The following THSD7B variants were observed in gnomAD, a reference collection of about 807,000 sequenced individuals.
THSD7B encodes thrombospondin type 1 domain containing 7B.
Under a neutral mutation model 213.6 loss-of-function variants are expected in THSD7B, and 138 were observed. The observed-to-expected ratio is 0.65, with a 90% CI of 0.56 to 0.74. The LOEUF (loss-of-function observed/expected upper bound fraction) is 0.74, where lower values mean the gene tolerates loss of function less well. Ranked by LOEUF, THSD7B falls within the 30% of genes least tolerant of loss-of-function variation. The pLI, the probability that THSD7B is intolerant of heterozygous loss-of-function variation, is 0.00. For missense variants in THSD7B, 1,931 were observed against 1,991.5 expected, an observed-to-expected ratio of 0.97 and a Z score of 0.58; for synonymous variants, 742 against 687.0, an observed-to-expected ratio of 1.08 and a Z score of -1.25.
chr2:137,576,351 T>C (rs1681460633), intron 17 of THSD7B, among the ~76,000 whole-genome samples: 1 of 152,108 alleles, frequency 6.6e-6, no homozygotes, highest in Non-Finnish European at 1.5e-5. Flanking sequence ...GTTTGAACTT[T>C]GATTCACCTC....
intron 2 of THSD7B, among the ~76,000 whole-genome samples, chr2:136,945,346 G>T (rs1211888311): frequency 6.6e-6 from 1 of 152,060 alleles, no homozygotes; most frequent in Non-Finnish European, 1.5e-5. Context: ...TCTGTTGTTG[G>T]TCTGATGGAC....
chr2:137,379,009 A>G (rs1401787764), intron 12 of THSD7B, among the ~76,000 whole-genome samples: 2 of 152,154 alleles, frequency 1.3e-5, no homozygotes, highest in African/African-American at 4.8e-5. Context: ...TGATATGTTG[A>G]AGCCAAGAGC....
intron 15 of THSD7B, among the ~76,000 whole-genome samples, chr2:137,459,880 T>C (rs1173910960): frequency 1.3e-5 from 2 of 152,130 alleles, no homozygotes; most frequent in African/African-American, 4.8e-5. Flanking sequence ...AAGGAACGTG[T>C]ATTTGTTAAA....
chr2:137,249,397 G>A (rs1353258342), intron 10 of THSD7B, among the ~76,000 whole-genome samples: 1 of 152,068 alleles, frequency 6.6e-6, no homozygotes, highest in Non-Finnish European at 1.5e-5. Flanking sequence ...ACATTAGAAT[G>A]GGAGTTGCTG....
At chr2:137,319,753 G>T (rs1684222167) in intron 12 of THSD7B, among the ~76,000 whole-genome samples, 2 of 152,052 alleles carry the variant, frequency 1.3e-5, no homozygotes, top group Admixed American at 6.6e-5. Flanking sequence ...ACACAAACTT[G>T]ACTTTTTTTT....
chr2:137,574,361 T>C (rs1004605282), intron 17 of THSD7B, among the ~76,000 whole-genome samples: 4 of 152,142 alleles, frequency 2.6e-5, no homozygotes, highest in African/African-American at 9.6e-5. Flanking sequence ...TTTAACCTCC[T>C]TTCATGTGTC....
At chr2:137,392,946 C>T (rs900140085) in intron 12 of THSD7B, among the ~76,000 whole-genome samples, 3 of 151,678 alleles carry the variant, frequency 2.0e-5, no homozygotes, top group African/African-American at 4.8e-5. Flanking sequence ...TATGTTTTTA[C>T]GGTGGTAAAT....
At chr2:137,583,534 T>A (rs1279820527) in intron 17 of THSD7B, among the ~76,000 whole-genome samples, 2 of 152,186 alleles carry the variant, frequency 1.3e-5, no homozygotes, top group Non-Finnish European at 2.9e-5. Flanking sequence ...GAGGAAGGGA[T>A]CCAGTTTCAG....
Position 137,676,532 on chromosome 2 carries a change from C to T in THSD7B, c.4748C>T (p.Pro1583Leu). 6.3e-7 allele frequency: 1 copy of T among 1,595,556 alleles called. No homozygotes were observed. Among genetic ancestry groups the T allele is most frequent in the South Asian group, 1.1e-5 (1 of 87,266 alleles). Reference sequence around the variant, plus strand: ...TTTTTTTCCCTTTGCAGCAAGAAGCCAAAACCACATCAAAGCACACCTCCC... The same window carrying T: ...TTTTTTTCCCTTTGCAGCAAGAAGCTAAAACCACATCAAAGCACACCTCCC... Reference protein sequence around the residue: ...IFTSYLVCKKPKPHQSTPPQQ... With the variant: ...IFTSYLVCKKLKPHQSTPPQQ... The change falls in exon 28 of 28, where the codon CCA becomes CTA. Residue 1583 changes from proline to leucine, a missense_variant. Coordinates refer to ENST00000409968, the MANE Select transcript of THSD7B (RefSeq NM_001316349.2).
At chr2:136,952,847 A>G (rs1033942152) in intron 2 of THSD7B, among the ~76,000 whole-genome samples, 2 of 152,134 alleles carry the variant, frequency 1.3e-5, no homozygotes, top group Non-Finnish European at 2.9e-5. Flanking sequence ...GAACATTAAG[A>G]TAGTGGTTTA....
intron 15 of THSD7B, among the ~76,000 whole-genome samples, chr2:137,509,228 TTTTTC>T (rs1176410722): frequency 2.6e-5 from 4 of 152,044 alleles, no homozygotes; most frequent in Non-Finnish European, 2.9e-5. Flanking sequence ...TTCCTGTCTT[TTTTTC>T]TTTTCTTTTC....
chr2:136,985,310 G>A (rs1685651452), intron 2 of THSD7B, among the ~76,000 whole-genome samples: 1 of 152,164 alleles, frequency 6.6e-6, no homozygotes, highest in Non-Finnish European at 1.5e-5. Context: ...CAGCCCCAGA[G>A]ACCTCGGAGG....
At chr2:137,043,081 AT>A (rs1240044118) in intron 2 of THSD7B, among the ~76,000 whole-genome samples, 8 of 152,186 alleles carry the variant, frequency 5.3e-5, no homozygotes, top group Non-Finnish European at 1.0e-4. Context: ...TTGGGGATGT[AT>A]TTATTATTGC....
chr2:137,222,569 T>C (rs926520992), intron 7 of THSD7B, among the ~76,000 whole-genome samples: 1 of 152,234 alleles, frequency 6.6e-6, no homozygotes, highest in Admixed American at 6.5e-5. Flanking sequence ...AGTCTGCTTT[T>C]TTCCTGTATA....
chr2:137,252,347 T>C (rs984905450), intron 10 of THSD7B, among the ~76,000 whole-genome samples: 2 of 148,084 alleles, frequency 1.4e-5, no homozygotes, highest in Non-Finnish European at 3.0e-5. Flanking sequence ...TGTCCAAATG[T>C]AAGAAAAAAA....
intron 21 of THSD7B, among the ~76,000 whole-genome samples, chr2:137,642,835 C>T (rs563119675): frequency 6.6e-6 from 1 of 152,230 alleles, no homozygotes; most frequent in African/African-American, 2.4e-5. Context: ...AATAAACAGC[C>T]ATTCATTAAG....
intron 10 of THSD7B, among the ~76,000 whole-genome samples, chr2:137,257,916 T>C (rs78124642): frequency 0.033 from 4,986 of 152,276 alleles, 91 homozygotes; most frequent in East Asian, 0.052. Flanking sequence ...GGACCTTGCA[T>C]GAGGAACAGA....
At chr2:137,519,168 C>T (rs546149072) in intron 15 of THSD7B, among the ~76,000 whole-genome samples, 2 of 152,218 alleles carry the variant, frequency 1.3e-5, no homozygotes, top group Admixed American at 6.5e-5. Flanking sequence ...AGGAGAATCA[C>T]TTGAACCCAG....
rs1438768760 is a variant in THSD7B, at chr2:137,563,353, A to C, written c.3271A>C (p.Arg1091=). 2 of 1,612,368 alleles carry C rather than the reference A, an allele frequency of 1.2e-6. No homozygotes were observed. The highest frequency in any genetic ancestry group is 2.2e-5 in the East Asian group (1 of 44,878). Residue 1091 remains arginine (R), a splice_region_variant and synonymous_variant, in exon 16 of 28, where the codon AGA becomes CGA. Coordinates refer to ENST00000409968, the MANE Select transcript of THSD7B (RefSeq NM_001316349.2). ...AGGAGGAACACAATCTAGGAAAATC[A>C]GGTGTGTGAAAATGGAGAGATTTGG... ...CGGGTQSRKI[R]CVNTADGEGG... is the part of the protein sequence containing the mutation.
Sources: allele counts gnomAD v4.1 joint callset (sites outside exome capture counted in the v4.1 genomes callset), GRCh38; gene constraint gnomAD v4.1.1; transcripts MANE v1.5; gene names NCBI Gene and HGNC (gene_info 2026-07-23, HGNC 2026-07-21).